BMPER: variants seen among roughly 807,000 people sequenced by gnomAD.
BMPER encodes the protein BMP binding endothelial regulator.
Under a neutral mutation model 87.3 loss-of-function variants are expected in BMPER, and 45 were observed. That is an observed-to-expected ratio of 0.52 (90% CI 0.41 to 0.66). The LOEUF is 0.66. Among genes scored for constraint, BMPER ranks in the 30% least tolerant of loss-of-function variants. The pLI, the probability that BMPER is intolerant of heterozygous loss-of-function variation, is 0.00. For missense variants in BMPER, 784 were observed against 867.5 expected (o/e 0.90, Z 1.21); for synonymous variants, 326 against 316.2 (o/e 1.03, Z -0.33).
intron 1 of BMPER, 87 bp from the exon 2 acceptor site, chr7:33,906,731 A>T: frequency 1.6e-6 from 2 of 1,238,388 alleles, no homozygotes; most frequent in Non-Finnish European, 2.3e-6. Flanking sequence ...TAGAGGTTTC[A>T]AAAAGGATTA....
chr7:34,138,474 C>T (rs968354639), intron 13 of BMPER, among the ~76,000 whole-genome samples: 23 of 152,320 alleles, frequency 1.5e-4, no homozygotes, highest in African/African-American at 5.3e-4. Context: ...CCTGCAGCAG[C>T]TCTGGGCCTT....
In BMPER at chr7:34,153,140, G is replaced by T; in HGVS notation, c.1925G>T (p.Cys642Phe). The change falls in exon 15 of 15, where the codon TGT (cysteine) becomes TTT (phenylalanine). Residue 642 changes from cysteine (C) to phenylalanine (F), a missense_variant. Coordinates refer to ENST00000649409, the MANE Select transcript of BMPER (RefSeq NM_001365308.1). ...GAVYDTCGPGCIKTCDNWNEI... is the reference protein window; with the variant it reads ...GAVYDTCGPGFIKTCDNWNEI... ...GTGTACGATACCTGTGGTCCGGGAT[G>T]TATCAAGACGTGTGACAACTGGAAT... is the stretch of plus-strand genomic sequence containing the variant. 6.2e-7 allele frequency: 1 copy of T among 1,614,046 alleles called. No homozygotes were observed. The highest frequency in any genetic ancestry group is 8.5e-7 in the Non-Finnish European group (1 of 1,179,958).
intron 6 of BMPER, among the ~76,000 whole-genome samples, chr7:34,020,748 G>A (rs1447176983): frequency 2.0e-5 from 3 of 151,898 alleles, no homozygotes; most frequent in African/African-American, 7.2e-5. Flanking sequence ...AGTCCCAGCA[G>A]ACAAGAGCAC....
At chr7:33,908,673 T>A (rs922682088) in intron 2 of BMPER, among the ~76,000 whole-genome samples, 4 of 152,224 alleles carry the variant, frequency 2.6e-5, no homozygotes, top group African/African-American at 7.2e-5. Context: ...AACATTTAAG[T>A]AACAGTTGTA....
At chr7:34,112,731 G>T (rs1790011950) in intron 13 of BMPER, among the ~76,000 whole-genome samples, 1 of 151,694 alleles carries the variant, frequency 6.6e-6, no homozygotes. Flanking sequence ...TTAAATGCCT[G>T]TATAATATTT....
At chr7:34,126,407 A>G (rs1363072678) in intron 13 of BMPER, among the ~76,000 whole-genome samples, 1 of 152,178 alleles carries the variant, frequency 6.6e-6, no homozygotes, top group Non-Finnish European at 1.5e-5. Context: ...ATATTTTTGG[A>G]AACTTTTGAT....
intron 2 of BMPER, among the ~76,000 whole-genome samples, chr7:33,911,243 T>A (rs1307103720): frequency 6.6e-6 from 1 of 152,236 alleles, no homozygotes; most frequent in Non-Finnish European, 1.5e-5. Flanking sequence ...TGTATAGGAT[T>A]GTGTCGGCAA....
At chr7:34,077,737 C>T (rs914457112) in intron 11 of BMPER, among the ~76,000 whole-genome samples, 1 of 152,136 alleles carries the variant, frequency 6.6e-6, no homozygotes, top group Admixed American at 6.5e-5. Context: ...TCCATTGGAT[C>T]CCCTTGGTGC....
At chr7:34,115,113 G>T (rs1183224029) in intron 13 of BMPER, among the ~76,000 whole-genome samples, 3 of 152,152 alleles carry the variant, frequency 2.0e-5, no homozygotes, top group Non-Finnish European at 4.4e-5. Context: ...GGTGCTTCAG[G>T]GGTTACAAAG....
chr7:33,922,048 C>T (rs537259864), intron 2 of BMPER: 3 of 339,366 alleles, frequency 8.8e-6, no homozygotes, highest in African/African-American at 4.3e-5. Context: ...TCTTCTCTCC[C>T]TTTTGCTGCC....
chr7:34,015,517 A>G (rs1585738996), intron 6 of BMPER, among the ~76,000 whole-genome samples: 1 of 151,942 alleles, frequency 6.6e-6, no homozygotes, highest in Non-Finnish European at 1.5e-5. Flanking sequence ...ATACACATGG[A>G]CACAAGCAAC....
chr7:34,120,363 A>G (rs757687775), intron 13 of BMPER, among the ~76,000 whole-genome samples: 3 of 151,846 alleles, frequency 2.0e-5, no homozygotes, highest in Non-Finnish European at 2.9e-5. Context: ...AAAGCAAAAA[A>G]AAATACAATG....
At chr7:34,086,544 C>G (rs1298164160) in intron 13 of BMPER, among the ~76,000 whole-genome samples, 1 of 152,126 alleles carries the variant, frequency 6.6e-6, no homozygotes, top group Non-Finnish European at 1.5e-5. Context: ...TTAGGTCTGC[C>G]TTATGGTCTA....
chr7:33,970,477 G>C (rs1785515134), intron 5 of BMPER, 58 bp downstream of exon 5: 1 of 1,539,030 alleles, frequency 6.5e-7, no homozygotes, highest in East Asian at 2.2e-5. Flanking sequence ...AGGAATGCAT[G>C]AATCTCCCAA....
At chr7:34,038,268 T>C (rs183493018) in intron 6 of BMPER, among the ~76,000 whole-genome samples, 3 of 152,212 alleles carry the variant, frequency 2.0e-5, no homozygotes, top group African/African-American at 7.2e-5. Flanking sequence ...GATGTGATGA[T>C]GAGCAGAGAG....
At chr7:33,976,811 G>A (rs1176256109) in intron 6 of BMPER, among the ~76,000 whole-genome samples, 1 of 152,208 alleles carries the variant, frequency 6.6e-6, no homozygotes, top group Non-Finnish European at 1.5e-5. Flanking sequence ...TGAGCTTAGA[G>A]ATGATATGTA....
intron 6 of BMPER, among the ~76,000 whole-genome samples, chr7:33,999,050 T>C (rs550533924): frequency 6.6e-6 from 1 of 152,354 alleles, no homozygotes; most frequent in African/African-American, 2.4e-5. Flanking sequence ...AAGTTGGCAA[T>C]GACTATAAAG....
intron 13 of BMPER, among the ~76,000 whole-genome samples, chr7:34,125,381 A>G (rs187623088): frequency 6.6e-5 from 10 of 151,852 alleles, no homozygotes; most frequent in Non-Finnish European, 1.5e-4. Context: ...CCCATTTCCA[A>G]CTCAGTTGAT....
intron 7 of BMPER, among the ~76,000 whole-genome samples, chr7:34,049,190 G>A (rs185784571): frequency 9.5e-4 from 145 of 152,254 alleles, no homozygotes; most frequent in Admixed American, 9.5e-3. Flanking sequence ...GCAGCACCCA[G>A]TGCACTCTAA....
Sources: allele counts gnomAD v4.1 joint callset (sites outside exome capture counted in the v4.1 genomes callset), GRCh38; gene constraint gnomAD v4.1.1; transcripts MANE v1.5; gene names NCBI Gene and HGNC (gene_info 2026-07-23, HGNC 2026-07-21).